The following RBFOX1 variants were observed in gnomAD, a reference collection of about 807,000 sequenced individuals.
The protein encoded by RBFOX1 is RNA binding fox-1 homolog 1.
RBFOX1 carries 8 observed loss-of-function variants against 57.7 expected under a neutral mutation model. That is an observed-to-expected ratio of 0.14 (90% CI 0.08 to 0.25). RBFOX1 has a LOEUF of 0.25. Ranked by LOEUF, RBFOX1 falls within the 10% of genes least tolerant of loss-of-function variation. RBFOX1 has a pLI of 1.00. For synonymous variants in RBFOX1, 326 were observed against 222.4 expected (o/e 1.47, Z -4.15); for missense variants, 611 against 548.5 (o/e 1.11, Z -1.14).
chr16:7,038,346 G>A (rs11645470), intron 3 of RBFOX1, among the ~76,000 whole-genome samples: 14,643 of 152,138 alleles, frequency 0.096, 1,153 homozygotes, highest in East Asian at 0.32. Flanking sequence ...ATGAGGGAAA[G>A]AAATGGTGAT....
intron 2 of RBFOX1, among the ~76,000 whole-genome samples, chr16:5,558,339 C>T (rs189323506): frequency 1.3e-5 from 2 of 152,282 alleles, no homozygotes; most frequent in African/African-American, 2.4e-5. Context: ...ACCCTAGATG[C>T]AGCTGTGGAG....
chr16:5,396,047 C>A (rs1423525546), intron 1 of RBFOX1, among the ~76,000 whole-genome samples: 1 of 152,172 alleles, frequency 6.6e-6, no homozygotes, highest in Admixed American at 6.5e-5. Context: ...CCAACTAAGC[C>A]ATGCCTAGAC....
chr16:7,449,310 G>A (rs2098832998), intron 4 of RBFOX1, among the ~76,000 whole-genome samples: 1 of 152,092 alleles, frequency 6.6e-6, no homozygotes, highest in South Asian at 2.1e-4. Flanking sequence ...GTCCTAGGTG[G>A]ACATCTTTTT....
chr16:7,653,126 G>A (rs933228168), intron 11 of RBFOX1, among the ~76,000 whole-genome samples: 7 of 152,096 alleles, frequency 4.6e-5, no homozygotes, highest in Non-Finnish European at 8.8e-5. Context: ...TGTGTATTTT[G>A]CATGCAAATA....
At position 5,834,730 on chromosome 16, in the gene RBFOX1, GATACATACATACATAC is replaced by G. The variant is rs763479891; in HGVS notation, c.319-32550_319-32535del. On this transcript the variant is annotated intron_variant, in intron 3 of 19. Coordinates refer to the RBFOX1 transcript ENST00000641259. Reference sequence around the variant, plus strand: ...AGATAGATAGATACATAGATACATAGATACATACATACATACATACATACATACATACATACATGCA... The same window carrying G: ...AGATAGATAGATACATAGATACATAGATACATACATACATACATACATGCA... 1.7e-3 allele frequency among the ~76,000 whole-genome samples: 246 copies of G among 146,408 alleles called. 3 individuals carry two copies. Among genetic ancestry groups the G allele is most frequent in the Middle Eastern group, 7.0e-3 (2 of 284 alleles).
At chr16:5,722,933 C>T (rs1044150702) in intron 3 of RBFOX1, among the ~76,000 whole-genome samples, 4 of 152,142 alleles carry the variant, frequency 2.6e-5, no homozygotes, top group East Asian at 1.9e-4. Flanking sequence ...ATTTAATGAT[C>T]GGTTTGGTGT....
intron 3 of RBFOX1, among the ~76,000 whole-genome samples, chr16:5,739,628 C>T (rs929469): frequency 2.0e-5 from 3 of 152,068 alleles, no homozygotes; most frequent in African/African-American, 4.8e-5. Context: ...CAGACAGAGA[C>T]GGATGTTTAA....
intron 1 of RBFOX1, among the ~76,000 whole-genome samples, chr16:6,027,489 G>A (rs891856427): frequency 6.6e-6 from 1 of 152,150 alleles, no homozygotes; most frequent in Non-Finnish European, 1.5e-5. Context: ...CACTTTCTAA[G>A]TCCATAACCT....
intron 5 of RBFOX1, among the ~76,000 whole-genome samples, chr16:7,567,249 CCCTATA>C (rs2091965633): frequency 2.3e-5 from 1 of 44,358 alleles, no homozygotes; most frequent in African/African-American, 8.8e-5. Flanking sequence ...ATCCATATAT[CCCTATA>C]TATATATATC....
chr16:6,926,464 A>G (rs1223789059), intron 3 of RBFOX1, among the ~76,000 whole-genome samples: 1 of 152,154 alleles, frequency 6.6e-6, no homozygotes, highest in South Asian at 2.1e-4. Context: ...AGATGTAGAT[A>G]GTAGGTTCAG....
intron 2 of RBFOX1, among the ~76,000 whole-genome samples, chr16:6,447,526 T>C (rs1435782256): frequency 6.6e-6 from 1 of 152,218 alleles, no homozygotes; most frequent in Non-Finnish European, 1.5e-5. Context: ...CCAGGATGCT[T>C]GGCGGAGGTT....
At chr16:6,110,447 C>G (rs985950429) in intron 1 of RBFOX1, among the ~76,000 whole-genome samples, 1 of 152,130 alleles carries the variant, frequency 6.6e-6, no homozygotes, top group Non-Finnish European at 1.5e-5. Flanking sequence ...CTGTATCCTG[C>G]ACAAACACAA....
At chr16:7,695,914 T>A (rs1042426166) in intron 14 of RBFOX1, among the ~76,000 whole-genome samples, 10 of 152,180 alleles carry the variant, frequency 6.6e-5, no homozygotes, top group African/African-American at 2.4e-4. Flanking sequence ...TATTGTCACA[T>A]TGATGCCCAT....
intron 4 of RBFOX1, among the ~76,000 whole-genome samples, chr16:7,120,852 C>CACATACACACACACACAT (rs1567337175): frequency 6.7e-6 from 1 of 150,256 alleles, no homozygotes; most frequent in Non-Finnish European, 1.5e-5. Flanking sequence ...CACACACACA[C>CACATACACACACACACAT]ACACACATAC....
chr16:7,562,828 A>G (rs1368828599), intron 5 of RBFOX1, among the ~76,000 whole-genome samples: 1 of 152,238 alleles, frequency 6.6e-6, no homozygotes, highest in Non-Finnish European at 1.5e-5. Context: ...GAAACACTCT[A>G]TGCCCACTGT....
At chr16:5,872,023 C>T (rs1385072507) in intron 4 of RBFOX1, among the ~76,000 whole-genome samples, 1 of 152,156 alleles carries the variant, frequency 6.6e-6, no homozygotes, top group Non-Finnish European at 1.5e-5. Context: ...GAAACTTTAT[C>T]CTAGGCCTAG....
At chr16:6,870,963 C>T (rs145841358) in intron 3 of RBFOX1, among the ~76,000 whole-genome samples, 52 of 152,294 alleles carry the variant, frequency 3.4e-4, no homozygotes, top group African/African-American at 1.2e-3. Context: ...TTCCTGTAGA[C>T]CTGGATGTAA....
chr16:5,400,398 T>C (rs2066682186), intron 1 of RBFOX1, among the ~76,000 whole-genome samples: 3 of 152,180 alleles, frequency 2.0e-5, no homozygotes, highest in Admixed American at 6.5e-5. Context: ...CGGCCACTGC[T>C]TGCTTCTCTC....
intron 1 of RBFOX1, among the ~76,000 whole-genome samples, chr16:6,306,952 C>T (rs1422626495): frequency 2.6e-5 from 4 of 152,036 alleles, no homozygotes; most frequent in Non-Finnish European, 5.9e-5. Context: ...GTGCTTATAC[C>T]TTCTCTCCTT....
Sources: gnomAD v4.1 joint callset for allele counts (sites outside exome capture counted in the v4.1 genomes callset) on GRCh38, gnomAD v4.1.1 for gene constraint, MANE v1.5 for transcripts, NCBI Gene and HGNC (gene_info 2026-07-23, HGNC 2026-07-21) for gene names.